The following PCDHA13 variants were observed in gnomAD, a reference collection of about 807,000 sequenced individuals.
PCDHA13 encodes protocadherin alpha 13.
Under a neutral mutation model 64.8 loss-of-function variants are expected in PCDHA13, and 54 were observed. The ratio of observed to expected loss-of-function variants is 0.83; its 90% CI spans 0.67 to 1.04. The LOEUF (loss-of-function observed/expected upper bound fraction) is 1.04, where lower values mean the gene tolerates loss of function less well. Among genes scored for constraint, PCDHA13 ranks in the 50% least tolerant of loss-of-function variants. The pLI is 0.00. For missense variants in PCDHA13, 1,248 were observed against 1,254.3 expected (o/e 0.99, Z 0.08); for synonymous variants, 587 against 564.4 (o/e 1.04, Z -0.57).
intron 3 of PCDHA13, among the ~76,000 whole-genome samples, chr5:141,006,150 G>A (rs1035867146): frequency 1.1e-4 from 16 of 151,274 alleles, no homozygotes; most frequent in Admixed American, 6.6e-5. Flanking sequence ...AAGCAGAGGA[G>A]TGATATAATC....
intron 3 of PCDHA13, among the ~76,000 whole-genome samples, chr5:141,000,423 T>TC (rs2097932931): frequency 9.0e-5 from 6 of 66,856 alleles, no homozygotes; most frequent in African/African-American, 3.6e-4. Flanking sequence ...ATATATATAT[T>TC]TTTTTTTTTT....
At chr5:140,926,772 G>A in intron 1 of PCDHA13, 1 of 1,380,738 alleles carries the variant, frequency 7.2e-7, no homozygotes, top group Non-Finnish European at 9.4e-7. Context: ...CCAGCCCGCA[G>A]CAGTGACGGC....
chr5:141,010,225 C>T lies in PCDHA13; in HGVS notation c.*288C>T. The T allele has an allele frequency of 6.4e-7, 1 of 1,551,848 alleles. No homozygotes were observed. The highest frequency in any genetic ancestry group is 8.7e-7 in the Non-Finnish European group (1 of 1,147,026). The stretch of plus-strand genomic sequence containing the variant: ...CCGCCGCAAAGGAGAGGCTTCCCAG[C>T]CCCGCCAGTGAGAGGTTGGACTCTC... On this transcript the variant is annotated 3_prime_UTR_variant, in exon 4 of 4. Coordinates refer to ENST00000289272, the MANE Select transcript of PCDHA13 (RefSeq NM_018904.3).
Position 141,010,074 on chromosome 5 carries a change from G to C in PCDHA13, c.*137G>C. 6.2e-7 allele frequency: 1 copy of C among 1,607,844 alleles called. No homozygotes were observed. Among genetic ancestry groups the C allele is most frequent in the Non-Finnish European group, 8.5e-7 (1 of 1,176,754 alleles). On this transcript the variant is annotated 3_prime_UTR_variant, in exon 4 of 4. Transcript: ENST00000289272. ...CTCAGAAATCTGCAGAAAGTTCCCT[G>C]TGTCTGTCTAGAACGCATTTAACAG...
chr5:140,911,666 C>G (rs2075593137), intron 1 of PCDHA13, among the ~76,000 whole-genome samples: 1 of 152,168 alleles, frequency 6.6e-6, no homozygotes, highest in East Asian at 1.9e-4. Flanking sequence ...AACTCCTTGC[C>G]TCTCACGAAC....
chr5:140,882,794 G>C lies in PCDHA13; in HGVS notation c.526G>C (p.Asp176His). 1 of 1,614,188 alleles carries C rather than the reference G, an allele frequency of 6.2e-7. No homozygotes were observed. The highest frequency in any genetic ancestry group is 8.5e-7 in the Non-Finnish European group (1 of 1,180,042). ...ATTGACCTACCGACTGGATCCCAAC[G>C]ATTATTTCACTTTGGACGCACAAAA... Reference protein sequence around the residue: ...SALTYRLDPNDYFTLDAQNSL... With the variant: ...SALTYRLDPNHYFTLDAQNSL... The change falls in exon 1 of 4, where the codon GAT (aspartate) becomes CAT (histidine). Residue 176 changes from aspartate (D) to histidine (H), a missense_variant. Coordinates refer to ENST00000289272, the MANE Select transcript of PCDHA13 (RefSeq NM_018904.3).
intron 1 of PCDHA13, among the ~76,000 whole-genome samples, chr5:140,901,565 G>A (rs1554189898): frequency 6.6e-6 from 1 of 152,062 alleles, no homozygotes; most frequent in African/African-American, 2.4e-5. Context: ...CTATGTGTCT[G>A]TTTTTATGCC....
chr5:140,979,186 C>T, intron 2 of PCDHA13, 179 bp downstream of exon 2: 2 of 914,118 alleles, frequency 2.2e-6, no homozygotes, highest in Non-Finnish European at 2.6e-6. Context: ...ATGGTCAGTG[C>T]CAGATGCTTA....
chr5:140,966,848 C>G, intron 1 of PCDHA13: 1 of 1,571,846 alleles, frequency 6.4e-7, no homozygotes, highest in Non-Finnish European at 8.6e-7. Context: ...GCTACTGCCT[C>G]TCCTGCTGCT....
In PCDHA13 at chr5:140,967,672, C is replaced by G. The variant is rs781956405; in HGVS notation, c.2395-11277C>G. 36 of 1,614,182 alleles carry G rather than the reference C, an allele frequency of 2.2e-5. No individual in the cohort carries two copies. The South Asian group carries it at 3.8e-4, about 17-fold the overall frequency. ...ACTCCTTGAGCAGCTACACGTCGGACCGGGAGAGGCAGCTCTTCAGCATAG... is the reference window on the plus strand; with the variant it reads ...ACTCCTTGAGCAGCTACACGTCGGAGCGGGAGAGGCAGCTCTTCAGCATAG... On this transcript the variant is annotated intron_variant, in intron 1 of 3. Transcript: ENST00000289272.
chr5:141,006,765 G>T (rs1299930915), intron 3 of PCDHA13, among the ~76,000 whole-genome samples: 3 of 152,174 alleles, frequency 2.0e-5, no homozygotes, highest in Non-Finnish European at 4.4e-5. Context: ...ATGAAGAATA[G>T]AATAGAGAAA....
intron 3 of PCDHA13, among the ~76,000 whole-genome samples, chr5:140,987,622 TAGATG>T (rs1554249376): frequency 2.6e-5 from 4 of 152,328 alleles, no homozygotes; most frequent in African/African-American, 9.6e-5. Flanking sequence ...TTGGAAGAAT[TAGATG>T]AGATAATGCA....
intron 1 of PCDHA13, among the ~76,000 whole-genome samples, chr5:140,890,852 C>G (rs2153432069): frequency 6.6e-6 from 1 of 152,254 alleles, no homozygotes; most frequent in South Asian, 2.1e-4. Flanking sequence ...TGTTTCTCTT[C>G]CTTACTTCTT....
chr5:140,969,404 G>A (rs1345885868), intron 1 of PCDHA13: 2 of 1,577,250 alleles, frequency 1.3e-6, no homozygotes, highest in Admixed American at 1.9e-5. Context: ...CTGTGATTTG[G>A]CTTTATTGAG....
chr5:140,971,698 A>G (rs969936167), intron 1 of PCDHA13, among the ~76,000 whole-genome samples: 16 of 151,980 alleles, frequency 1.1e-4, no homozygotes, highest in Non-Finnish European at 2.2e-4. Context: ...CTCACTAACC[A>G]CCCTGCTATA....
At chr5:140,894,997 T>C (rs566489828) in intron 1 of PCDHA13, among the ~76,000 whole-genome samples, 4 of 152,178 alleles carry the variant, frequency 2.6e-5, no homozygotes, top group Non-Finnish European at 5.9e-5. Flanking sequence ...TCCTTTACCC[T>C]TTTTACTTGG....
At chr5:140,925,665 A>C (rs2082643258) in intron 1 of PCDHA13, among the ~76,000 whole-genome samples, 1 of 149,266 alleles carries the variant, frequency 6.7e-6, no homozygotes, top group Non-Finnish European at 1.5e-5. Flanking sequence ...TAATAATAAT[A>C]ATAATAATAA....
Position 140,882,756 on chromosome 5 carries a change from G to T in PCDHA13, c.488G>T (p.Gly163Val). 6.2e-7 allele frequency: 1 copy of T among 1,614,238 alleles called. No homozygotes were observed. Among genetic ancestry groups the T allele is most frequent in the Non-Finnish European group, 8.5e-7 (1 of 1,180,046 alleles). The change falls in exon 1 of 4, where the codon GGA becomes GTA. Residue 163 changes from glycine to valine, a missense_variant. Gly to Val is a moderately radical substitution (Grantham distance 109). Transcript: ENST00000289272. Reference sequence around the variant, plus strand: ...GATGGCGCATCCGATGCAGATATTGGAGTAAACTCGGCATTGACCTACCGA... The same window carrying T: ...GATGGCGCATCCGATGCAGATATTGTAGTAAACTCGGCATTGACCTACCGA... ...PLDGASDADI[G>V]VNSALTYRLD...
rs535981750 is a variant in PCDHA13 at position 140,934,094 on chromosome 5, GCTTT to G, written c.2395-44852_2395-44849del. Among the ~76,000 whole-genome samples, 58 of 151,890 alleles carry G rather than the reference GCTTT, an allele frequency of 3.8e-4. 1 individual carries two copies. The highest frequency in any genetic ancestry group is 6.8e-3 in the Middle Eastern group (2 of 292). ...TTTGGGTTCGCTTTGTTGTATGTTT[GCTTT>G]CTATTTTATTAATTTTCATACTTTA... On this transcript the variant is annotated intron_variant, in intron 1 of 3. Transcript: ENST00000289272.
Sources: allele counts gnomAD v4.1 joint callset (sites outside exome capture counted in the v4.1 genomes callset), GRCh38; gene constraint gnomAD v4.1.1; transcripts MANE v1.5; gene names NCBI Gene and HGNC (gene_info 2026-07-23, HGNC 2026-07-21).